SLC22A23: variants seen among roughly 807,000 people sequenced by gnomAD.
The protein encoded by SLC22A23 is ion transporter protein.
SLC22A23 carries 26 observed loss-of-function variants against 61.0 expected under a neutral mutation model. The observed-to-expected ratio is 0.43, with a 90% CI of 0.31 to 0.59. The LOEUF (loss-of-function observed/expected upper bound fraction) is 0.59, where lower values mean the gene tolerates loss of function less well. Ranked by LOEUF, SLC22A23 falls within the 20% of genes least tolerant of loss-of-function variation. SLC22A23 has a pLI of 0.11. For synonymous variants in SLC22A23, 430 were observed against 413.9 expected, an observed-to-expected ratio of 1.04 and a Z score of -0.47; for missense variants, 796 against 934.7, an observed-to-expected ratio of 0.85 and a Z score of 1.94.
At chr6:3,422,057 GCA>G (rs549942161) in intron 1 of SLC22A23, among the ~76,000 whole-genome samples, 478 of 152,300 alleles carry the variant, frequency 3.1e-3, no homozygotes, top group African/African-American at 0.011. Context: ...CAATCGCTGT[GCA>G]CACTGTCTGT....
chr6:3,360,800 G>A lies in SLC22A23; in HGVS notation c.914-36798C>T, dbSNP rs527809816. Among the ~76,000 whole-genome samples the A allele has an allele frequency of 3.9e-5, 6 of 152,290 alleles. No homozygotes were observed. The highest frequency in any genetic ancestry group is 2.1e-4 in the South Asian group (1 of 4,820). On this transcript the variant is annotated intron_variant, in intron 3 of 9. Transcript: ENST00000406686. This position sits in a 1 kb window ranked among gnomAD's most constrained non-coding sequence, Gnocchi z 4.6. ...ACGGGCCCCTCTGATGGAGACCTGC[G>A]TTCGGCCAGGCAGGCCCACAGCTGG...
At chr6:3,325,473 G>A (rs1763223774) in intron 3 of SLC22A23, among the ~76,000 whole-genome samples, 1 of 152,198 alleles carries the variant, frequency 6.6e-6, no homozygotes, top group Non-Finnish European at 1.5e-5. Flanking sequence ...AGCTATCAGT[G>A]AACAAGAGAG....
chr6:3,271,338 G>A lies in SLC22A23; in HGVS notation c.*1717C>T, dbSNP rs997951528. The A allele has an allele frequency of 2.0e-5, 3 of 152,374 alleles. No homozygotes were observed. The highest frequency in any genetic ancestry group is 7.2e-5 in the African/African-American group (3 of 41,466). 9.4% of individuals were successfully genotyped at this position (152,374 alleles called of 1,614,324 possible). ...CAGGTGTCGGCGTGGTCCAGCCACT[G>A]GAAACACGTGGCCAAGAGTCTGCTT... On this transcript the variant is annotated 3_prime_UTR_variant, in exon 10 of 10. Transcript: ENST00000406686.
intron 3 of SLC22A23, among the ~76,000 whole-genome samples, chr6:3,401,626 C>A (rs1204017385): frequency 1.3e-5 from 2 of 152,208 alleles, no homozygotes; most frequent in African/African-American, 4.8e-5. Flanking sequence ...CAATGTCCTG[C>A]ATCACTTGAC....
chr6:3,334,845 C>A (rs975480294), intron 3 of SLC22A23, among the ~76,000 whole-genome samples: 1 of 152,206 alleles, frequency 6.6e-6, no homozygotes, highest in African/African-American at 2.4e-5. Flanking sequence ...AGCTGCTGAT[C>A]CTTGTCCAAC....
At chr6:3,424,356 T>C (rs780062851) in intron 1 of SLC22A23, among the ~76,000 whole-genome samples, 21 of 152,220 alleles carry the variant, frequency 1.4e-4, no homozygotes, top group Non-Finnish European at 2.8e-4. Context: ...ACCAAAATGA[T>C]TTGACATTGT....
At chr6:3,332,187 G>A (rs1763619297) in intron 3 of SLC22A23, among the ~76,000 whole-genome samples, 1 of 152,176 alleles carries the variant, frequency 6.6e-6, no homozygotes, top group Admixed American at 6.5e-5. Flanking sequence ...CCAGCTGTCG[G>A]AGGGCAGGGA....
chr6:3,330,866 T>C lies in SLC22A23; in HGVS notation c.914-6864A>G, dbSNP rs1763544894. ...AAAAAACAGAGAAATTTTAAGTATTTCTTACAAATCACATTCCAGTGTCTG... is the reference window on the plus strand; with the variant it reads ...AAAAAACAGAGAAATTTTAAGTATTCCTTACAAATCACATTCCAGTGTCTG... On this transcript the variant is annotated intron_variant, in intron 3 of 9. Transcript: ENST00000406686. The surrounding 1 kb of genome is among the most constrained non-coding windows in gnomAD (Gnocchi z 4.7). Among the ~76,000 whole-genome samples, 3 of 152,178 alleles carry C rather than the reference T, an allele frequency of 2.0e-5. No homozygotes were observed.
rs1310186349 is a variant in SLC22A23, at chr6:3,329,215, G to C, written c.914-5213C>G. The stretch of plus-strand genomic sequence containing the variant: ...CCGATCTAACTGTTCATTGGATTCA[G>C]TGATTATAAATAAAATTTTAAAAAC... On this transcript the variant is annotated intron_variant, in intron 3 of 9. Coordinates refer to ENST00000406686, the MANE Select transcript of SLC22A23 (RefSeq NM_015482.2). The surrounding 1 kb of genome is among the most constrained non-coding windows in gnomAD (Gnocchi z 4.8). Among the ~76,000 whole-genome samples the C allele has an allele frequency of 6.6e-6, 1 of 151,738 alleles. No individual in the cohort carries two copies. Among genetic ancestry groups the C allele is most frequent in the African/African-American group, 2.4e-5 (1 of 41,194 alleles).
Position 3,318,723 on chromosome 6 carries a change from C to T in SLC22A23, c.1082+5111G>A, listed in dbSNP as rs1275475153. Among the ~76,000 whole-genome samples the T allele has an allele frequency of 1.3e-5, 2 of 152,186 alleles. No individual in the cohort carries two copies. Among genetic ancestry groups the T allele is most frequent in the African/African-American group, 2.4e-5 (1 of 41,438 alleles). Reference sequence around the variant, plus strand: ...AAAACCCACATCTTAACACAGGCTGCGGCCTCAGTCAAGTCTCCTGGTCAC... The same window carrying T: ...AAAACCCACATCTTAACACAGGCTGTGGCCTCAGTCAAGTCTCCTGGTCAC... On this transcript the variant is annotated intron_variant, in intron 4 of 9. Transcript: ENST00000406686. The surrounding 1 kb of genome is among the most constrained non-coding windows in gnomAD (Gnocchi z 4.3).
rs1763498231 is a variant in SLC22A23 at position 3,330,022 on chromosome 6, C to T, written c.914-6020G>A. Among the ~76,000 whole-genome samples, 1 of 152,230 alleles carries T rather than the reference C, an allele frequency of 6.6e-6. No individual in the cohort carries two copies. The highest frequency in any genetic ancestry group is 1.5e-5 in the Non-Finnish European group (1 of 68,046). ...CCGGCCATCCTCTCCCAAGGGGAAGCCTCTGCGAAGGCCGACTGGGCCACT... is the reference window on the plus strand; with the variant it reads ...CCGGCCATCCTCTCCCAAGGGGAAGTCTCTGCGAAGGCCGACTGGGCCACT... On this transcript the variant is annotated intron_variant, in intron 3 of 9. Transcript: ENST00000406686. This position sits in a 1 kb window ranked among gnomAD's most constrained non-coding sequence, Gnocchi z 4.7.
intron 1 of SLC22A23, among the ~76,000 whole-genome samples, chr6:3,421,708 G>A (rs530572927): frequency 1.6e-3 from 242 of 152,220 alleles, no homozygotes; most frequent in African/African-American, 5.5e-3. Context: ...GAAAAAAAAT[G>A]TAGGGAAAAA....
intron 3 of SLC22A23, among the ~76,000 whole-genome samples, chr6:3,381,163 A>T (rs1279567852): frequency 6.6e-6 from 1 of 152,124 alleles, no homozygotes; most frequent in Non-Finnish European, 1.5e-5. Context: ...GAGAACCATC[A>T]AAAGGACTAA....
At chr6:3,352,384 C>T (rs1370205722) in intron 3 of SLC22A23, among the ~76,000 whole-genome samples, 1 of 152,034 alleles carries the variant, frequency 6.6e-6, no homozygotes, top group Admixed American at 6.5e-5. Context: ...TGCACAGACA[C>T]ACTCACACAC....
At chr6:3,444,059 A>G (rs1448489175) in intron 1 of SLC22A23, among the ~76,000 whole-genome samples, 1 of 152,206 alleles carries the variant, frequency 6.6e-6, no homozygotes, top group Non-Finnish European at 1.5e-5. Context: ...ACTTGTAGCC[A>G]AAAGAGACCG....
chr6:3,290,825 C>G (rs1416153769), intron 5 of SLC22A23: 2 of 152,336 alleles, frequency 1.3e-5, no homozygotes, highest in Admixed American at 1.3e-4. Flanking sequence ...CCTGGCATGT[C>G]TTCATGGAGT....
intron 6 of SLC22A23, 34 bp downstream of exon 6, chr6:3,289,730 C>T (rs1302151461): frequency 6.3e-7 from 1 of 1,585,910 alleles, no homozygotes; most frequent in Non-Finnish European, 8.6e-7. Context: ...CTGGCCCCCT[C>T]CCACCCAGCT....
chr6:3,307,417 T>C (rs1459143083), intron 4 of SLC22A23, among the ~76,000 whole-genome samples: 1 of 152,012 alleles, frequency 6.6e-6, no homozygotes, highest in African/African-American at 2.4e-5. Context: ...TCATTCATGA[T>C]TCTGGAACCC....
In SLC22A23 at chr6:3,327,281, C is replaced by G. The variant is rs1222160704; in HGVS notation, c.914-3279G>C. ...CTGTGGAGAGTAGATCACTCACAGG[C>G]AGGTGTCCACAGTGCCCGTGGAAGA... On this transcript the variant is annotated intron_variant, in intron 3 of 9. Transcript: ENST00000406686. This position sits in a 1 kb window ranked among gnomAD's most constrained non-coding sequence, Gnocchi z 4.1. Among the ~76,000 whole-genome samples the G allele has an allele frequency of 6.6e-6, 1 of 152,232 alleles. No individual in the cohort carries two copies. Among genetic ancestry groups the G allele is most frequent in the Non-Finnish European group, 1.5e-5 (1 of 68,032 alleles).
Sources: allele counts gnomAD v4.1 joint callset (sites outside exome capture counted in the v4.1 genomes callset), GRCh38; gene constraint gnomAD v4.1.1; non-coding constraint Gnocchi (gnomAD v3.1); transcripts MANE v1.5; gene names NCBI Gene and HGNC (gene_info 2026-07-23, HGNC 2026-07-21).